Variants in NRG1 observed in about 807,000 individuals in gnomAD.
NRG1 encodes neuregulin 1.
NRG1 carries 18 observed loss-of-function variants against 63.8 expected under a neutral mutation model. The observed-to-expected ratio is 0.28, with a 90% CI of 0.19 to 0.42. The LOEUF is 0.42. NRG1 is among the 10% of genes least tolerant of loss of function. The probability of loss-of-function intolerance (pLI) is 1.00; values close to 1 mark genes in which losing one functional copy is unlikely to be tolerated. For synonymous variants in NRG1, 302 were observed against 301.3 expected, an observed-to-expected ratio of 1.00 and a Z score of -0.02; for missense variants, 762 against 814.7, an observed-to-expected ratio of 0.94 and a Z score of 0.79.
chr8:31,918,132 A>T (rs1307728152), intron 1 of NRG1, among the ~76,000 whole-genome samples: 2 of 152,174 alleles, frequency 1.3e-5, no homozygotes, highest in African/African-American at 4.8e-5. Flanking sequence ...TAGATATACA[A>T]TCATGTCATC....
chr8:32,579,191 CTGTCTT>C lies in NRG1; in HGVS notation c.101-16635_101-16630del, dbSNP rs1162308437. On this transcript the variant is annotated intron_variant, in intron 1 of 11. Coordinates refer to ENST00000356819, the Ensembl canonical transcript of NRG1. Reference sequence around the variant, plus strand: ...GAAAATTTTGTAGAAGTTCTTTCTTCTGTCTTTTTTTTTTTTTTTTTTTTTTGGATA... The same window carrying C: ...GAAAATTTTGTAGAAGTTCTTTCTTCTTTTTTTTTTTTTTTTTTTTGGATA... Among the ~76,000 whole-genome samples the C allele has an allele frequency of 1.1e-4, 12 of 111,784 alleles. No homozygotes were observed. The Admixed American group carries it at 1.5e-3, about 14-fold the overall frequency. The allele number at this position is 111,784 out of a possible 152,430, so 73.3% of individuals were successfully genotyped here. A position where few individuals can be genotyped will look rare whatever the true frequency, so the allele number is the denominator to read the frequency against.
At chr8:32,209,287 C>G (rs952781644) in intron 1 of NRG1, among the ~76,000 whole-genome samples, 1 of 151,952 alleles carries the variant, frequency 6.6e-6, no homozygotes, top group Non-Finnish European at 1.5e-5. Flanking sequence ...TTATTTAATA[C>G]TAACATTCTG....
At chr8:32,576,240 C>G (rs1839608721) in intron 1 of NRG1, among the ~76,000 whole-genome samples, 1 of 152,180 alleles carries the variant, frequency 6.6e-6, no homozygotes, top group Non-Finnish European at 1.5e-5. Flanking sequence ...AATAGTCCAT[C>G]TCACATGACA....
At chr8:31,772,621 G>A (rs1818735748) in intron 1 of NRG1, among the ~76,000 whole-genome samples, 1 of 152,140 alleles carries the variant, frequency 6.6e-6, no homozygotes, top group Non-Finnish European at 1.5e-5. Context: ...AGGGAGTCCT[G>A]TCATGGGAGG....
intron 1 of NRG1, among the ~76,000 whole-genome samples, chr8:31,928,166 A>G (rs966034885): frequency 1.3e-5 from 2 of 151,816 alleles, no homozygotes; most frequent in African/African-American, 2.4e-5. Flanking sequence ...TTAGGCTCCA[A>G]TGAAGAGGAA....
At chr8:31,815,526 T>TA (rs2129602011) in intron 1 of NRG1, among the ~76,000 whole-genome samples, 1 of 152,338 alleles carries the variant, frequency 6.6e-6, no homozygotes, top group Non-Finnish European at 1.5e-5. Flanking sequence ...TTCCACTTTT[T>TA]ATCTATCATG....
chr8:31,935,390 T>C (rs1339201672), intron 1 of NRG1, among the ~76,000 whole-genome samples: 1 of 152,038 alleles, frequency 6.6e-6, no homozygotes, highest in Non-Finnish European at 1.5e-5. Flanking sequence ...CCCAAAGTAC[T>C]AGGATTACAG....
At chr8:32,703,564 A>C (rs1365020949) in intron 5 of NRG1, among the ~76,000 whole-genome samples, 1 of 152,076 alleles carries the variant, frequency 6.6e-6, no homozygotes, top group East Asian at 1.9e-4. Context: ...GAAAAGAAAA[A>C]AAGAAATGTA....
intron 5 of NRG1, among the ~76,000 whole-genome samples, chr8:32,674,134 A>G (rs1806427687): frequency 6.6e-6 from 1 of 152,212 alleles, no homozygotes; most frequent in Admixed American, 6.5e-5. Flanking sequence ...ATAATTTTAT[A>G]TATGTCTTTG....
chr8:32,250,731 T>C (rs539248249), intron 1 of NRG1, among the ~76,000 whole-genome samples: 40 of 82,360 alleles, frequency 4.9e-4, no homozygotes, highest in African/African-American at 2.2e-3. Flanking sequence ...TATTTTGCCT[T>C]CTGGTCTTTT....
chr8:32,079,605 A>G (rs145414304), intron 1 of NRG1, among the ~76,000 whole-genome samples: 1 of 152,316 alleles, frequency 6.6e-6, no homozygotes, highest in African/African-American at 2.4e-5. Flanking sequence ...ATTCATATCA[A>G]TTTTCTGCCA....
At chr8:32,767,203 G>A (rs187274198) in exon 12 of NRG1, 5 of 152,120 alleles carry the variant, frequency 3.3e-5, no homozygotes, top group African/African-American at 7.2e-5. Flanking sequence ...TCTACAAAAT[G>A]GTCCTCTGTG....
chr8:31,853,911 C>T (rs1827540124), intron 1 of NRG1, among the ~76,000 whole-genome samples: 1 of 151,638 alleles, frequency 6.6e-6, no homozygotes, highest in Non-Finnish European at 1.5e-5. Flanking sequence ...TGCTGGATTA[C>T]ATTTATTGAT....
At chr8:31,948,352 C>G (rs1802945625) in intron 1 of NRG1, among the ~76,000 whole-genome samples, 1 of 152,142 alleles carries the variant, frequency 6.6e-6, no homozygotes, top group Non-Finnish European at 1.5e-5. Context: ...GTTGTGTGTT[C>G]ATAATGCCAC....
intron 1 of NRG1, among the ~76,000 whole-genome samples, chr8:31,801,349 G>T (rs774548151): frequency 6.6e-6 from 1 of 152,110 alleles, no homozygotes; most frequent in Non-Finnish European, 1.5e-5. Context: ...TGAAGTTAGC[G>T]TCTTTCTTGT....
At chr8:32,370,857 CAAAAAAAAAAAA>C (rs570354347) in intron 1 of NRG1, among the ~76,000 whole-genome samples, 8 of 52,050 alleles carry the variant, frequency 1.5e-4, no homozygotes, top group African/African-American at 4.4e-4. Context: ...GACTCTGTCT[CAAAAAAAAAAAA>C]AAAAAAAAAA....
chr8:32,762,004 A>G (rs989637518), intron 11 of NRG1, among the ~76,000 whole-genome samples: 1 of 130,542 alleles, frequency 7.7e-6, no homozygotes, highest in Non-Finnish European at 1.5e-5. Context: ...GTGCCACTGT[A>G]CTCCAGCCTA....
chr8:31,916,677 G>A (rs1232838924), intron 1 of NRG1, among the ~76,000 whole-genome samples: 1 of 152,136 alleles, frequency 6.6e-6, no homozygotes, highest in African/African-American at 2.4e-5. Context: ...GTGTGCATGT[G>A]TCTTTATAGC....
intron 1 of NRG1, among the ~76,000 whole-genome samples, chr8:32,181,782 G>A (rs1841452295): frequency 6.6e-6 from 1 of 151,934 alleles, no homozygotes; most frequent in African/African-American, 2.4e-5. Flanking sequence ...TGCATTGTTA[G>A]ATAAAAATGT....
Sources: gnomAD v4.1 joint callset for allele counts (sites outside exome capture counted in the v4.1 genomes callset) on GRCh38, gnomAD v4.1.1 for gene constraint, MANE v1.5 for transcripts, NCBI Gene and HGNC (gene_info 2026-07-23, HGNC 2026-07-21) for gene names.